PRKN: variants seen among roughly 807,000 people sequenced by gnomAD.
PRKN encodes parkin RBR E3 ubiquitin protein ligase.
A neutral mutation model predicts 59.5 loss-of-function variants in PRKN; 56 were observed. The ratio of observed to expected loss-of-function variants is 0.94; its 90% CI spans 0.76 to 1.18. The LOEUF is 1.18. Ranked by LOEUF, PRKN falls within the 50% of genes most tolerant of loss-of-function variation. PRKN has a pLI of 0.00. For missense variants in PRKN, 657 were observed against 596.4 expected, an observed-to-expected ratio of 1.10 and a Z score of -1.06; for synonymous variants, 250 against 222.1, an observed-to-expected ratio of 1.13 and a Z score of -1.12.
At chr6:162,223,399 CATA>C (rs1253199128) in intron 3 of PRKN, among the ~76,000 whole-genome samples, 2 of 151,882 alleles carry the variant, frequency 1.3e-5, no homozygotes, top group Non-Finnish European at 2.9e-5. Context: ...GGCAGTTAAT[CATA>C]ATAATAGTGC....
At chr6:162,112,388 G>C (rs1780477815) in intron 4 of PRKN, among the ~76,000 whole-genome samples, 1 of 152,044 alleles carries the variant, frequency 6.6e-6, no homozygotes, top group Admixed American at 6.6e-5. Context: ...GAATACCTAA[G>C]TTTCTCCTAC....
At chr6:162,063,760 G>C (rs907311260) in intron 4 of PRKN, among the ~76,000 whole-genome samples, 2 of 152,190 alleles carry the variant, frequency 1.3e-5, no homozygotes, top group African/African-American at 2.4e-5. Flanking sequence ...GGCCAGGCTG[G>C]TCTGCAACTC....
intron 4 of PRKN, among the ~76,000 whole-genome samples, chr6:162,171,003 T>C (rs978770100): frequency 6.6e-6 from 1 of 152,164 alleles, no homozygotes; most frequent in Non-Finnish European, 1.5e-5. Flanking sequence ...ACATACACTA[T>C]GAGTGATTCT....
At chr6:162,192,257 T>C (rs1784310752) in intron 4 of PRKN, among the ~76,000 whole-genome samples, 1 of 152,102 alleles carries the variant, frequency 6.6e-6, no homozygotes, top group South Asian at 2.1e-4. Flanking sequence ...CTGACAGACT[T>C]TGTAAAACTT....
chr6:161,620,294 G>A (rs1358874798), intron 7 of PRKN, among the ~76,000 whole-genome samples: 1 of 151,824 alleles, frequency 6.6e-6, no homozygotes, highest in Non-Finnish European at 1.5e-5. Flanking sequence ...GAGCCACTGT[G>A]CCCAGCTGGT....
At chr6:162,047,759 A>G (rs1286655885) in intron 5 of PRKN, among the ~76,000 whole-genome samples, 1 of 152,200 alleles carries the variant, frequency 6.6e-6, no homozygotes, top group Non-Finnish European at 1.5e-5. Context: ...ATAAATCACA[A>G]TTGCTCAGTA....
chr6:161,370,974 G>A (rs1385052574), intron 10 of PRKN, among the ~76,000 whole-genome samples: 1 of 152,160 alleles, frequency 6.6e-6, no homozygotes, highest in East Asian at 1.9e-4. Flanking sequence ...GGCCAGTTGA[G>A]CACTGCTGCG....
intron 1 of PRKN, among the ~76,000 whole-genome samples, chr6:162,603,969 G>A (rs1028820561): frequency 6.6e-6 from 1 of 152,134 alleles, no homozygotes; most frequent in African/African-American, 2.4e-5. Flanking sequence ...CCTTAACACT[G>A]CGAGGATGGA....
chr6:162,332,553 TTCATGAAAAA>T (rs1480171043), intron 2 of PRKN, among the ~76,000 whole-genome samples: 3 of 152,312 alleles, frequency 2.0e-5, no homozygotes, highest in African/African-American at 7.2e-5. Flanking sequence ...CATATGGCCC[TTCATGAAAAA>T]TTGGAAAAAG....
chr6:161,647,847 T>C (rs1784012394), intron 7 of PRKN, among the ~76,000 whole-genome samples: 1 of 107,434 alleles, frequency 9.3e-6, no homozygotes, highest in African/African-American at 7.2e-5. Flanking sequence ...TCAGATAATT[T>C]ATTAAAACAA....
At chr6:161,935,617 A>C (rs1031927048) in intron 6 of PRKN, among the ~76,000 whole-genome samples, 3 of 152,042 alleles carry the variant, frequency 2.0e-5, no homozygotes, top group African/African-American at 7.2e-5. Flanking sequence ...AAGAGTCCCT[A>C]TCAGAGCAAC....
chr6:162,021,449 ATATATATATATATTTTT>A (rs1275910315), intron 5 of PRKN, among the ~76,000 whole-genome samples: 5 of 7,022 alleles, frequency 7.1e-4, no homozygotes, highest in African/African-American at 1.6e-3. Context: ...ATATATATAT[ATATATATATATATTTTT>A]TTTTTTTTTT....
intron 3 of PRKN, among the ~76,000 whole-genome samples, chr6:162,215,789 T>C (rs2128077264): frequency 6.6e-6 from 1 of 152,238 alleles, no homozygotes; most frequent in Non-Finnish European, 1.5e-5. Context: ...CTCACACCTG[T>C]GATACCAGCA....
At position 161,861,662 on chromosome 6, in the gene PRKN, T is replaced by G. The variant is rs529260549; in HGVS notation, c.735-75754A>C. Among the ~76,000 whole-genome samples, 20 of 152,016 alleles carry G rather than the reference T, an allele frequency of 1.3e-4. No homozygotes were observed. The East Asian group carries it at 3.5e-3, about 26-fold the overall frequency. On this transcript the variant is annotated intron_variant, in intron 6 of 11. Transcript: ENST00000366898. ...TAGAGTCGTCAGTTGCACCCCTTTTTCTTCTCCCTCATATGCAGATAATCC... is the reference window on the plus strand; with the variant it reads ...TAGAGTCGTCAGTTGCACCCCTTTTGCTTCTCCCTCATATGCAGATAATCC...
chr6:162,190,505 T>G (rs1784231593), intron 4 of PRKN, among the ~76,000 whole-genome samples: 1 of 152,224 alleles, frequency 6.6e-6, no homozygotes, highest in Non-Finnish European at 1.5e-5. Flanking sequence ...GATTAAACTC[T>G]CAGTTTGGTT....
intron 2 of PRKN, among the ~76,000 whole-genome samples, chr6:162,313,445 C>T (rs950354352): frequency 1.1e-4 from 17 of 152,058 alleles, no homozygotes; most frequent in African/African-American, 1.9e-4. Context: ...TTTCAAGGGC[C>T]GAATAATATT....
chr6:161,705,101 T>A (rs1004737274), intron 7 of PRKN, among the ~76,000 whole-genome samples: 1 of 152,144 alleles, frequency 6.6e-6, no homozygotes, highest in Non-Finnish European at 1.5e-5. Flanking sequence ...CTTATCCAAA[T>A]TATTGTGGGC....
chr6:162,411,553 A>C (rs1392662316), intron 2 of PRKN, among the ~76,000 whole-genome samples: 1 of 152,222 alleles, frequency 6.6e-6, no homozygotes, highest in African/African-American at 2.4e-5. Flanking sequence ...ACATAATATT[A>C]TTATTTAATA....
At chr6:162,014,927 T>G (rs1353100348) in intron 5 of PRKN, among the ~76,000 whole-genome samples, 1 of 152,160 alleles carries the variant, frequency 6.6e-6, no homozygotes, top group Non-Finnish European at 1.5e-5. Flanking sequence ...CTCTCCCGGT[T>G]TAGGCAACCC....
Sources: allele counts gnomAD v4.1 joint callset (sites outside exome capture counted in the v4.1 genomes callset), GRCh38; gene constraint gnomAD v4.1.1; transcripts MANE v1.5; gene names NCBI Gene and HGNC (gene_info 2026-07-23, HGNC 2026-07-21).